The following SMYD3 variants were observed in gnomAD, a reference collection of about 807,000 sequenced individuals.
The protein encoded by SMYD3 is SET and MYND domain containing 3, also known as histone-lysine N-methyltransferase SMYD3.
SMYD3 carries 36 observed loss-of-function variants against 57.7 expected under a neutral mutation model. The ratio of observed to expected loss-of-function variants is 0.62; its 90% CI spans 0.48 to 0.82. SMYD3 has a LOEUF of 0.82. Ranked by LOEUF, SMYD3 falls within the 40% of genes least tolerant of loss-of-function variation. The pLI is 0.00. For synonymous variants in SMYD3, 211 were observed against 195.0 expected (o/e 1.08, Z -0.68); for missense variants, 515 against 538.8 (o/e 0.96, Z 0.44).
intron 5 of SMYD3, among the ~76,000 whole-genome samples, chr1:246,002,055 T>C (rs1437561984): frequency 1.3e-5 from 2 of 152,092 alleles, no homozygotes; most frequent in African/African-American, 4.8e-5. Context: ...ACGATTCTGT[T>C]TACTAGAACC....
chr1:246,245,511 T>C (rs1321381558), intron 5 of SMYD3, among the ~76,000 whole-genome samples: 1 of 152,108 alleles, frequency 6.6e-6, no homozygotes, highest in Non-Finnish European at 1.5e-5. Context: ...AGATCCTCTT[T>C]TATTAAGAAA....
At chr1:245,841,575 CA>C (rs2050403380) in intron 10 of SMYD3, among the ~76,000 whole-genome samples, 1 of 151,966 alleles carries the variant, frequency 6.6e-6, no homozygotes, top group Non-Finnish European at 1.5e-5. Context: ...GACGGAAACA[CA>C]AAATTAAGGT....
intron 10 of SMYD3, among the ~76,000 whole-genome samples, chr1:245,823,321 G>GCA (rs34441487): frequency 6.8e-6 from 1 of 146,690 alleles, no homozygotes; most frequent in Non-Finnish European, 1.5e-5. Flanking sequence ...ACGTGCGTGT[G>GCA]CACACACACA....
chr1:246,446,640 A>C (rs1457264240), intron 1 of SMYD3, among the ~76,000 whole-genome samples: 4 of 152,148 alleles, frequency 2.6e-5, no homozygotes, highest in Non-Finnish European at 4.4e-5. Context: ...AATAGGTACC[A>C]TATGGGGATG....
intron 10 of SMYD3, among the ~76,000 whole-genome samples, chr1:245,806,904 G>T (rs1448700132): frequency 2.8e-5 from 3 of 108,868 alleles, no homozygotes; most frequent in Non-Finnish European, 5.0e-5. Flanking sequence ...GCGACAGAGC[G>T]AGACTCCGTC....
intron 10 of SMYD3, among the ~76,000 whole-genome samples, chr1:245,777,838 AAAC>A (rs1416820815): frequency 6.6e-6 from 1 of 152,214 alleles, no homozygotes. Context: ...GCAAGTTACA[AAAC>A]AATACACCAC....
intron 10 of SMYD3, among the ~76,000 whole-genome samples, chr1:245,817,567 G>C (rs1162691481): frequency 6.6e-6 from 1 of 152,094 alleles, no homozygotes; most frequent in Non-Finnish European, 1.5e-5. Context: ...GATGACCTGA[G>C]AGAAGAAGGC....
At chr1:246,082,292 G>A (rs1211861894) in intron 5 of SMYD3, among the ~76,000 whole-genome samples, 1 of 152,208 alleles carries the variant, frequency 6.6e-6, no homozygotes, top group Non-Finnish European at 1.5e-5. Flanking sequence ...GAGGTCACAA[G>A]ATTTGTGACT....
intron 11 of SMYD3, among the ~76,000 whole-genome samples, chr1:245,763,114 T>C (rs542703258): frequency 6.6e-6 from 1 of 152,356 alleles, no homozygotes; most frequent in South Asian, 2.1e-4. Flanking sequence ...CTAACCATCG[T>C]GTTTTAACAA....
chr1:245,958,651 T>G (rs2057917785), intron 5 of SMYD3, among the ~76,000 whole-genome samples: 1 of 152,214 alleles, frequency 6.6e-6, no homozygotes, highest in African/African-American at 2.4e-5. Context: ...CATTGCTGAT[T>G]TACTTGTCTG....
intron 5 of SMYD3, among the ~76,000 whole-genome samples, chr1:246,133,388 A>G (rs12065115): frequency 1.3e-5 from 2 of 151,920 alleles, no homozygotes; most frequent in East Asian, 3.9e-4. Context: ...AATGTTTCCC[A>G]TAACAAATCT....
chr1:246,071,829 G>T (rs1236260620), intron 5 of SMYD3, among the ~76,000 whole-genome samples: 58 of 139,228 alleles, frequency 4.2e-4, no homozygotes, highest in Middle Eastern at 3.7e-3. Flanking sequence ...GCTCACTGTG[G>T]ATGCTTCCTG....
At chr1:246,256,605 T>C (rs550774516) in intron 5 of SMYD3, among the ~76,000 whole-genome samples, 2 of 152,350 alleles carry the variant, frequency 1.3e-5, no homozygotes, top group East Asian at 3.9e-4. Context: ...CAATCTTGTG[T>C]ATCCTTTCAA....
chr1:246,493,132 T>G (rs1031317431), intron 1 of SMYD3, among the ~76,000 whole-genome samples: 5 of 151,324 alleles, frequency 3.3e-5, no homozygotes, highest in Admixed American at 2.6e-4. Context: ...TGGTATGGTA[T>G]ATGAGTTATA....
chr1:246,043,928 C>T (rs1405964031), intron 5 of SMYD3, among the ~76,000 whole-genome samples: 1 of 152,140 alleles, frequency 6.6e-6, no homozygotes, highest in East Asian at 1.9e-4. Flanking sequence ...TCTCCAGGTA[C>T]AGGGAAGCCT....
chr1:246,055,395 C>T (rs747877481), intron 5 of SMYD3, among the ~76,000 whole-genome samples: 1 of 151,982 alleles, frequency 6.6e-6, no homozygotes, highest in African/African-American at 2.4e-5. Flanking sequence ...ACCAGGAGTT[C>T]AAAGCCAGCC....
At chr1:245,806,567 C>T in intron 10 of SMYD3, among the ~76,000 whole-genome samples, 1 of 152,124 alleles carries the variant, frequency 6.6e-6, no homozygotes, top group East Asian at 1.9e-4. Context: ...TGACACCTTG[C>T]CAACTTGGGA....
intron 5 of SMYD3, among the ~76,000 whole-genome samples, chr1:245,978,261 G>A (rs1466656246): frequency 6.6e-6 from 1 of 152,118 alleles, no homozygotes; most frequent in Non-Finnish European, 1.5e-5. Context: ...GTTCATCTAG[G>A]GCAAGAATCA....
intron 5 of SMYD3, among the ~76,000 whole-genome samples, chr1:246,245,881 T>C (rs1413342499): frequency 3.9e-5 from 6 of 152,182 alleles, no homozygotes; most frequent in Admixed American, 3.9e-4. Flanking sequence ...TTTCTGTAAA[T>C]ATAAGTTTAA....
Sources: gnomAD v4.1 joint callset for allele counts (sites outside exome capture counted in the v4.1 genomes callset) on GRCh38, gnomAD v4.1.1 for gene constraint, MANE v1.5 for transcripts, NCBI Gene and HGNC (gene_info 2026-07-23, HGNC 2026-07-21) for gene names.